CD101: variants seen among roughly 807,000 people sequenced by gnomAD.
The protein encoded by CD101 is CD101 molecule.
A neutral mutation model predicts 98.2 loss-of-function variants in CD101; 76 were observed. The observed-to-expected ratio is 0.77, with a 90% CI of 0.64 to 0.94. The LOEUF is 0.94. Ranked by LOEUF, CD101 falls within the 40% of genes least tolerant of loss-of-function variation. The probability of loss-of-function intolerance (pLI) is 0.00; values close to 1 mark genes in which losing one functional copy is unlikely to be tolerated. For synonymous variants in CD101, 471 were observed against 472.7 expected (o/e 1.00, Z 0.05); for missense variants, 1,145 against 1,218.8 (o/e 0.94, Z 0.90).
In CD101 at chr1:117,011,865, T is replaced by C; in HGVS notation, c.740T>C (p.Leu247Pro). Residue 247 changes from leucine to proline, a missense_variant, in exon 3 of 10, where the codon CTG becomes CCG. Coordinates refer to ENST00000682167, the MANE Select transcript of CD101 (RefSeq NM_001256106.3). The part of the protein sequence containing the change: ...ERLQSSDQGQ[L>P]FCEATEWIQD... ...CTCCAGTCCTCAGATCAGGGTCAGC[T>C]GTTCTGTGAGGCAACGGAATGGATT... is the stretch of plus-strand genomic sequence containing the variant. The C allele has an allele frequency of 6.2e-7, 1 of 1,614,156 alleles. No homozygotes were observed. The highest frequency in any genetic ancestry group is 8.5e-7 in the Non-Finnish European group (1 of 1,180,022).
rs1654223447 is a variant in CD101 at position 117,029,216 on chromosome 1, A to AAG, written c.2824+3312_2824+3313insAG. 4.1e-4 allele frequency among the ~76,000 whole-genome samples: 11 copies of AAG among 26,716 alleles called. 1 individual carries two copies. Among genetic ancestry groups the AAG allele is most frequent in the East Asian group, 1.1e-3 (1 of 888 alleles). 17.5% of individuals were successfully genotyped at this position (26,716 alleles called of 152,430 possible). On this transcript the variant is annotated intron_variant, in intron 8 of 9. Coordinates refer to ENST00000682167, the MANE Select transcript of CD101 (RefSeq NM_001256106.3). ...GAAAGAAAGAAAGAAAAGAAAGAAA[A>AAG]GAAAGAAAGAAAGAAAGAAAGAAAG...
Position 117,033,864 on chromosome 1 carries a change from C to A in CD101, c.2829C>A (p.Pro943=), listed in dbSNP as rs778297440. ...TTGTTTCTCCCTTCGTTGCAGAGCC[C>A]ACGCTTCCTTCCAGGATCTGCTCCT... The part of the protein sequence containing the change: ...RMVLTVLPSE[P]TLPSRICSSA... Residue 943 remains proline (P), a synonymous_variant, in exon 9 of 10, where the codon CCC becomes CCA. Transcript: ENST00000682167. The surrounding 1 kb of genome is among the most constrained non-coding windows in gnomAD (Gnocchi z 4.8). 2 of 1,614,136 alleles carry A rather than the reference C, an allele frequency of 1.2e-6. No individual in the cohort carries two copies. The highest frequency in any genetic ancestry group is 2.2e-5 in the East Asian group (1 of 44,882).
intron 1 of CD101, 57 bp from the exon 2 acceptor site, chr1:117,009,793 A>G: frequency 6.6e-7 from 1 of 1,521,542 alleles, no homozygotes; most frequent in Non-Finnish European, 8.9e-7. Context: ...AACGTGGTAC[A>G]CTGGGAACTG....
intron 1 of CD101, among the ~76,000 whole-genome samples, chr1:117,003,144 A>AAAAC (rs145181233): frequency 6.6e-6 from 1 of 152,182 alleles, no homozygotes; most frequent in African/African-American, 2.4e-5. Flanking sequence ...TCCATCTAAA[A>AAAAC]AAACAAACAA....
chr1:117,031,258 A>C (rs1020452639), intron 8 of CD101, among the ~76,000 whole-genome samples: 1 of 152,150 alleles, frequency 6.6e-6, no homozygotes, highest in Non-Finnish European at 1.5e-5. Context: ...CCTCTTCCCC[A>C]CCAAGATAGC....
Position 117,017,438 on chromosome 1 carries a change from G to C in CD101, c.1577G>C (p.Trp526Ser). ...KSRNQARDLS[W>S]TQKISVTVKS... Reference sequence around the variant, plus strand: ...CGGAACCAGGCCAGAGATCTGAGCTGGACTCAGAAGATTTCAGTTACTGTA... The same window carrying C: ...CGGAACCAGGCCAGAGATCTGAGCTCGACTCAGAAGATTTCAGTTACTGTA... Residue 526 changes from tryptophan (W) to serine (S), a missense_variant, in exon 5 of 10, where the codon TGG (tryptophan) becomes TCG (serine). By Grantham distance (177) the Trp-to-Ser change is radical (BLOSUM62 -3). Coordinates refer to ENST00000682167, the MANE Select transcript of CD101 (RefSeq NM_001256106.3). 1 of 1,612,896 alleles carries C rather than the reference G, an allele frequency of 6.2e-7. No homozygotes were observed. The highest frequency in any genetic ancestry group is 1.7e-4 in the Middle Eastern group (1 of 6,044).
In CD101 at chr1:117,033,826, A is replaced by G. The variant is rs1231828532; in HGVS notation, c.2825-34A>G. Reference sequence around the variant, plus strand: ...ATTGACTAGTACAAATAAGTTGGAGATGAATTACTCTCTTGTTTCTCCCTT... The same window carrying G: ...ATTGACTAGTACAAATAAGTTGGAGGTGAATTACTCTCTTGTTTCTCCCTT... On this transcript the variant is annotated intron_variant, in intron 8 of 9. Transcript: ENST00000682167. This position sits in a 1 kb window ranked among gnomAD's most constrained non-coding sequence, Gnocchi z 4.8. The G allele has an allele frequency of 3.1e-6, 5 of 1,612,502 alleles. No homozygotes were observed. Among genetic ancestry groups the G allele is most frequent in the Non-Finnish European group, 3.4e-6 (4 of 1,179,044 alleles).
At position 117,022,073 on chromosome 1, in the gene CD101, G is replaced by A; in HGVS notation, c.2428+90G>A. 2.2e-6 allele frequency: 3 copies of A among 1,381,972 alleles called. No homozygotes were observed. The highest frequency in any genetic ancestry group is 3.0e-6 in the Non-Finnish European group (3 of 1,011,950). The allele number at this position is 1,381,972 out of a possible 1,614,324, so 85.6% of individuals were successfully genotyped here. A position where few individuals can be genotyped will look rare whatever the true frequency, so the allele number is the denominator to read the frequency against. ...TGTTCTATGGAGTGATTATGTGGAA[G>A]TAAAAATATGACCTAAAGTCATAGG... On this transcript the variant is annotated intron_variant, in intron 7 of 9. Transcript: ENST00000682167. This position sits in a 1 kb window ranked among gnomAD's most constrained non-coding sequence, Gnocchi z 4.8.
chr1:117,016,181 C>T (rs1017468863), intron 4 of CD101, among the ~76,000 whole-genome samples: 1 of 147,660 alleles, frequency 6.8e-6, no homozygotes, highest in African/African-American at 2.5e-5. Context: ...TAAACAGACA[C>T]ACATTTATAT....
chr1:117,021,958 A>G lies in CD101; in HGVS notation c.2403A>G (p.Leu801=). Residue 801 remains leucine, a synonymous_variant, in exon 7 of 10, where the codon CTA becomes CTG. Transcript: ENST00000682167. The surrounding 1 kb of genome is among the most constrained non-coding windows in gnomAD (Gnocchi z 4.7). ...WHKLGEKKSG[L]TELKLKPTGS... The stretch of plus-strand genomic sequence containing the variant: ...AGCTTGGAGAAAAGAAGTCAGGACT[A>G]ACAGAATTGAAACTCAAGCCCACAG... 6.2e-7 allele frequency: 1 copy of G among 1,609,096 alleles called. No homozygotes were observed. The highest frequency in any genetic ancestry group is 8.5e-7 in the Non-Finnish European group (1 of 1,178,230).
intron 8 of CD101, among the ~76,000 whole-genome samples, chr1:117,029,273 G>GA (rs1289214690): frequency 7.8e-6 from 1 of 128,008 alleles, no homozygotes; most frequent in Non-Finnish European, 1.7e-5. Flanking sequence ...AAGAAAGAAA[G>GA]AGTAGATACG....
rs1257280247 is a variant in CD101, at chr1:117,013,587, C to T, written c.1023C>T (p.Tyr341=). The T allele has an allele frequency of 1.2e-6, 2 of 1,614,028 alleles. No individual in the cohort carries two copies. Among genetic ancestry groups the T allele is most frequent in the African/African-American group, 1.3e-5 (1 of 74,898 alleles). The change falls in exon 4 of 10, where the codon TAC becomes TAT. Residue 341 remains tyrosine (Y), a synonymous_variant. Coordinates refer to ENST00000682167, the MANE Select transcript of CD101 (RefSeq NM_001256106.3). ...GAGTCCTGGGCCTGAAGAATGACTA[C>T]AAAGAGAGAGCAAGTCAAGGAGAGC... The part of the protein sequence containing the change: ...AGGVLGLKND[Y]KERASQGELQ...
rs1469845810 is a variant in CD101, at chr1:117,019,273, T to A, written c.2017+713T>A. On this transcript the variant is annotated intron_variant, in intron 6 of 9. Transcript: ENST00000682167. The surrounding 1 kb of genome is among the most constrained non-coding windows in gnomAD (Gnocchi z 4.3). ...ATCTGCTGAAGCCTTAGTTACCTGA[T>A]CTGTAAATTGTTAATGTGCAATTTA... is the stretch of plus-strand genomic sequence containing the variant. Among the ~76,000 whole-genome samples, 2 of 152,312 alleles carry A rather than the reference T, an allele frequency of 1.3e-5. No homozygotes were observed. The highest frequency in any genetic ancestry group is 4.1e-4 in the South Asian group (2 of 4,820).
rs1001904729 is a variant in CD101, at chr1:117,012,712, G to T, written c.842-694G>T. Among the ~76,000 whole-genome samples, 7 of 152,136 alleles carry T rather than the reference G, an allele frequency of 4.6e-5. No homozygotes were observed. The highest frequency in any genetic ancestry group is 1.9e-4 in the East Asian group (1 of 5,190). On this transcript the variant is annotated intron_variant, in intron 3 of 9. Coordinates refer to ENST00000682167, the MANE Select transcript of CD101 (RefSeq NM_001256106.3). The surrounding 1 kb of genome is among the most constrained non-coding windows in gnomAD (Gnocchi z 4.0). ...CGTGAGCCACCGCACCCAGCCTGCT[G>T]TTACTTTTCATAATCTTTTGGCATT...
chr1:117,027,882 G>C (rs528078925), intron 8 of CD101, among the ~76,000 whole-genome samples: 1 of 152,048 alleles, frequency 6.6e-6, no homozygotes, highest in African/African-American at 2.4e-5. Flanking sequence ...TTGGGAGTTT[G>C]AGACCAGCCT....
At chr1:117,002,340 C>T (rs1652276467) in intron 1 of CD101, among the ~76,000 whole-genome samples, 2 of 152,176 alleles carry the variant, frequency 1.3e-5, no homozygotes, top group Admixed American at 1.3e-4. Context: ...TAGATTTCAC[C>T]TGCGAGTGGA....
At position 117,022,380 on chromosome 1, in the gene CD101, G is replaced by A. The variant is rs774365351; in HGVS notation, c.2428+397G>A. Among the ~76,000 whole-genome samples, 1 of 152,166 alleles carries A rather than the reference G, an allele frequency of 6.6e-6. No homozygotes were observed. Among genetic ancestry groups the A allele is most frequent in the South Asian group, 2.1e-4 (1 of 4,822 alleles). On this transcript the variant is annotated intron_variant, in intron 7 of 9. Transcript: ENST00000682167. The surrounding 1 kb of genome is among the most constrained non-coding windows in gnomAD (Gnocchi z 4.8). Reference sequence around the variant, plus strand: ...ATTTCTCCCACTGTGAACAGAAACTGTACAACTCTATGGGGATGTGTGGAG... The same window carrying A: ...ATTTCTCCCACTGTGAACAGAAACTATACAACTCTATGGGGATGTGTGGAG...
chr1:117,023,392 T>C lies in CD101; in HGVS notation c.2428+1409T>C, dbSNP rs181844982. ...TCTTTTTTGGTGACATCTCCCAGTT[T>C]GAGAATGTCCACAACTAATTCACTT... is the stretch of plus-strand genomic sequence containing the variant. On this transcript the variant is annotated intron_variant, in intron 7 of 9. Transcript: ENST00000682167. This position sits in a 1 kb window ranked among gnomAD's most constrained non-coding sequence, Gnocchi z 4.4. 2.6e-5 allele frequency among the ~76,000 whole-genome samples: 4 copies of C among 152,304 alleles called. No individual in the cohort carries two copies. The highest frequency in any genetic ancestry group is 9.6e-5 in the African/African-American group (4 of 41,568).
rs1257433575 is a variant in CD101 at position 117,013,469 on chromosome 1, T to C, written c.905T>C (p.Leu302Pro). 1 of 1,614,034 alleles carries C rather than the reference T, an allele frequency of 6.2e-7. No homozygotes were observed. The highest frequency in any genetic ancestry group is 2.2e-5 in the East Asian group (1 of 44,890). The change falls in exon 4 of 10, where the codon CTG becomes CCG. Residue 302 changes from leucine (L) to proline (P), a missense_variant. Coordinates refer to ENST00000682167, the MANE Select transcript of CD101 (RefSeq NM_001256106.3). ...TTTGCTGAAGGGAAACCCTTAGAAC[T>C]GGTTTGCCTGGTTGTAAGCAGTGGC... ...SLFAEGKPLE[L>P]VCLVVSSGRD...
Sources: allele counts gnomAD v4.1 joint callset (sites outside exome capture counted in the v4.1 genomes callset), GRCh38; gene constraint gnomAD v4.1.1; non-coding constraint Gnocchi (gnomAD v3.1); transcripts MANE v1.5; gene names NCBI Gene and HGNC (gene_info 2026-07-23, HGNC 2026-07-21).